The following LRMDA variants were observed in gnomAD, a reference collection of about 807,000 sequenced individuals.
LRMDA encodes the protein leucine rich melanocyte differentiation associated.
LRMDA carries 18 observed loss-of-function variants against 29.8 expected under a neutral mutation model. The observed-to-expected ratio is 0.60, with a 90% confidence interval of 0.42 to 0.90. The LOEUF is 0.90. LRMDA is among the 40% of genes least tolerant of loss of function. LRMDA has a pLI of 0.00. For synonymous variants in LRMDA, 125 were observed against 109.4 expected (o/e 1.14, Z -0.89); for missense variants, 273 against 273.9 (o/e 1.00, Z 0.02).
chr10:76,524,278 C>T (rs1245822729), intron 6 of LRMDA, among the ~76,000 whole-genome samples: 2 of 152,124 alleles, frequency 1.3e-5, no homozygotes, highest in African/African-American at 2.4e-5. Flanking sequence ...GCTGACGTGT[C>T]ATTGGAAATG....
chr10:76,368,024 A>C (rs1415305174), intron 6 of LRMDA, among the ~76,000 whole-genome samples: 1 of 151,822 alleles, frequency 6.6e-6, no homozygotes, highest in Non-Finnish European at 1.5e-5. Flanking sequence ...ATGGTCTATC[A>C]ATTTTATTTT....
chr10:76,544,520 A>G lies in LRMDA; in HGVS notation c.602-12689A>G, dbSNP rs1347169271. ...GCTCTGGTGCCTTCATTAAGTTTTAATGAGCCTGACCCTAATGAAAGCCCT... is the reference window on the plus strand; with the variant it reads ...GCTCTGGTGCCTTCATTAAGTTTTAGTGAGCCTGACCCTAATGAAAGCCCT... On this transcript the variant is annotated intron_variant, in intron 6 of 6. Coordinates refer to ENST00000611255, the MANE Select transcript of LRMDA (RefSeq NM_001305581.2). 2.0e-5 allele frequency among the ~76,000 whole-genome samples: 3 copies of G among 152,114 alleles called. No homozygotes were observed. In the East Asian group the frequency reaches 5.8e-4, roughly 29 times the overall value.
At chr10:75,784,508 G>A (rs758758135) in intron 2 of LRMDA, among the ~76,000 whole-genome samples, 3 of 151,994 alleles carry the variant, frequency 2.0e-5, no homozygotes, top group Non-Finnish European at 4.4e-5. Context: ...GATCATCCTG[G>A]CTAACACGGT....
chr10:75,844,537 C>T (rs918187930), intron 2 of LRMDA, among the ~76,000 whole-genome samples: 1 of 152,146 alleles, frequency 6.6e-6, no homozygotes, highest in Non-Finnish European at 1.5e-5. Context: ...TCCATCTTGG[C>T]TCCCCCGTGA....
chr10:75,923,290 T>A (rs1564607954), intron 2 of LRMDA, among the ~76,000 whole-genome samples: 1 of 152,244 alleles, frequency 6.6e-6, no homozygotes. Flanking sequence ...ATTCTTTGTG[T>A]GTGAAACAAA....
chr10:75,434,351 C>T (rs569474917), intron 1 of LRMDA, among the ~76,000 whole-genome samples: 1 of 152,234 alleles, frequency 6.6e-6, no homozygotes, highest in South Asian at 2.1e-4. Context: ...ATGCATGGGG[C>T]TGTTTCATGA....
At chr10:76,455,591 AGGTCTGTTCTCCTTGT>A (rs1327302741) in intron 6 of LRMDA, among the ~76,000 whole-genome samples, 11 of 152,302 alleles carry the variant, frequency 7.2e-5, no homozygotes, top group Middle Eastern at 3.4e-3. Flanking sequence ...GCAGGCCAAA[AGGTCTGTTCTCCTTGT>A]GGTCACCTCT....
At chr10:75,987,011 T>C (rs915628573) in intron 2 of LRMDA, among the ~76,000 whole-genome samples, 1 of 152,212 alleles carries the variant, frequency 6.6e-6, no homozygotes, top group Non-Finnish European at 1.5e-5. Flanking sequence ...TTGGCCACAA[T>C]GAGGAGAAAG....
chr10:75,765,808 G>A (rs1399054257), intron 2 of LRMDA, among the ~76,000 whole-genome samples: 1 of 138,878 alleles, frequency 7.2e-6, no homozygotes, highest in Non-Finnish European at 1.5e-5. Flanking sequence ...CACTTGTTCA[G>A]GATTTCTCCC....
At chr10:75,792,520 C>T (rs1388337207) in intron 2 of LRMDA, among the ~76,000 whole-genome samples, 6 of 152,192 alleles carry the variant, frequency 3.9e-5, no homozygotes, top group Non-Finnish European at 8.8e-5. Context: ...ATCTTGGCCT[C>T]CCAAAGTGCT....
At chr10:76,453,496 A>G (rs1842427197) in intron 6 of LRMDA, among the ~76,000 whole-genome samples, 1 of 152,192 alleles carries the variant, frequency 6.6e-6, no homozygotes, top group Non-Finnish European at 1.5e-5. Flanking sequence ...GGGGGCTATG[A>G]TAAGCATCTG....
intron 2 of LRMDA, among the ~76,000 whole-genome samples, chr10:75,485,376 C>G (rs1305869106): frequency 1.3e-5 from 2 of 151,844 alleles, no homozygotes; most frequent in African/African-American, 4.8e-5. Flanking sequence ...TTTAATGATG[C>G]CTGGATTTAT....
chr10:75,954,399 G>T (rs1365835025), intron 2 of LRMDA, among the ~76,000 whole-genome samples: 1 of 152,154 alleles, frequency 6.6e-6, no homozygotes, highest in East Asian at 1.9e-4. Flanking sequence ...TGCAGTTCTG[G>T]GAAGATAATA....
chr10:75,455,078 C>G (rs536439303), intron 2 of LRMDA, among the ~76,000 whole-genome samples: 1 of 152,296 alleles, frequency 6.6e-6, no homozygotes, highest in East Asian at 1.9e-4. Context: ...TTCTAGCTGC[C>G]TGGTACAACG....
chr10:76,527,049 CAAA>C (rs34187065), intron 6 of LRMDA, among the ~76,000 whole-genome samples: 2,347 of 105,494 alleles, frequency 0.022, 19 homozygotes, highest in African/African-American at 0.05. Context: ...TCAGGTCTGA[CAAA>C]AAAAAAAAAA....
intron 2 of LRMDA, among the ~76,000 whole-genome samples, chr10:75,464,825 A>G (rs1480168332): frequency 1.3e-5 from 2 of 152,214 alleles, no homozygotes; most frequent in Non-Finnish European, 2.9e-5. Context: ...CCTCAAGGAC[A>G]GACACTCTCC....
At chr10:75,613,129 T>G (rs1211293977) in intron 2 of LRMDA, among the ~76,000 whole-genome samples, 1 of 151,118 alleles carries the variant, frequency 6.6e-6, no homozygotes, top group Non-Finnish European at 1.5e-5. Flanking sequence ...TTTTTTTTTT[T>G]GTAGCAGTTA....
chr10:76,155,827 C>G (rs1426707580), intron 5 of LRMDA, among the ~76,000 whole-genome samples: 1 of 152,118 alleles, frequency 6.6e-6, no homozygotes, highest in African/African-American at 2.4e-5. Context: ...TATCAGCCTC[C>G]AGGTGTAAAC....
chr10:75,519,937 A>T (rs912885594), intron 2 of LRMDA, among the ~76,000 whole-genome samples: 2 of 152,152 alleles, frequency 1.3e-5, no homozygotes, highest in Non-Finnish European at 2.9e-5. Flanking sequence ...TTCACTTATG[A>T]AGCTTAGTTT....
Sources: allele counts gnomAD v4.1 joint callset (sites outside exome capture counted in the v4.1 genomes callset), GRCh38; gene constraint gnomAD v4.1.1; transcripts MANE v1.5; gene names NCBI Gene and HGNC (gene_info 2026-07-23, HGNC 2026-07-21).